The following STAU2 variants were observed in gnomAD, a reference collection of about 807,000 sequenced individuals.
The protein encoded by STAU2 is staufen double-stranded RNA binding protein 2.
A neutral mutation model predicts 65.9 loss-of-function variants in STAU2; 20 were observed. The ratio of observed to expected loss-of-function variants is 0.30; its 90% confidence interval spans 0.21 to 0.44. The LOEUF is 0.44. STAU2 is among the 20% of genes least tolerant of loss of function. The pLI is 1.00. For missense variants in STAU2, 558 were observed against 683.9 expected, an observed-to-expected ratio of 0.82 and a Z score of 2.05; for synonymous variants, 232 against 233.9, an observed-to-expected ratio of 0.99 and a Z score of 0.07.
At chr8:73,539,919 T>C (rs1806434686) in intron 13 of STAU2, among the ~76,000 whole-genome samples, 1 of 150,126 alleles carries the variant, frequency 6.7e-6, no homozygotes, top group South Asian at 2.1e-4. Flanking sequence ...AAGGAATCTG[T>C]GGGACAATAT....
intron 12 of STAU2, among the ~76,000 whole-genome samples, chr8:73,569,030 G>A (rs1419365684): frequency 2.0e-5 from 3 of 152,100 alleles, no homozygotes; most frequent in African/African-American, 2.4e-5. Context: ...CCTGGGAAGC[G>A]CAAGGGGTCG....
chr8:73,591,846 T>G (rs1185320861), intron 11 of STAU2, among the ~76,000 whole-genome samples: 1 of 90,674 alleles, frequency 1.1e-5, no homozygotes, highest in East Asian at 3.9e-4. Context: ...TTGAGTTGAA[T>G]GAAAGTAAAA....
rs199561696 is a variant in STAU2 at position 73,468,399 on chromosome 8, G to A, written c.1531-45697C>T. ...CCGTTCAGGACATAGGCATAGGCAA[G>A]GACTTCATGTCTAAAACACCAAAAG... On this transcript the variant is annotated intron_variant, in intron 13 of 14. Coordinates refer to ENST00000524300, the MANE Select transcript of STAU2 (RefSeq NM_001164380.2). 3.9e-5 allele frequency among the ~76,000 whole-genome samples: 6 copies of A among 152,234 alleles called. No individual in the cohort carries two copies. In the East Asian group the frequency reaches 1.2e-3, roughly 29 times the overall value.
At chr8:73,451,554 G>C (rs1818802206) in intron 13 of STAU2, among the ~76,000 whole-genome samples, 1 of 151,670 alleles carries the variant, frequency 6.6e-6, no homozygotes, top group African/African-American at 2.4e-5. Context: ...GCATGAAGCA[G>C]GCTGGGCTAC....
At chr8:73,594,000 TTTG>T (rs1156374915) in intron 11 of STAU2, among the ~76,000 whole-genome samples, 1 of 152,362 alleles carries the variant, frequency 6.6e-6, no homozygotes. Context: ...ATGCTGGTTT[TTTG>T]TTGTGTTTGC....
chr8:73,691,293 A>G (rs887262653), intron 4 of STAU2, among the ~76,000 whole-genome samples: 7 of 152,190 alleles, frequency 4.6e-5, no homozygotes, highest in Admixed American at 1.3e-4. Context: ...TTCAGGTTCA[A>G]ACCTCATTAG....
At chr8:73,423,247 C>T (rs778771497) in intron 13 of STAU2, among the ~76,000 whole-genome samples, 1 of 152,126 alleles carries the variant, frequency 6.6e-6, no homozygotes, top group African/African-American at 2.4e-5. Context: ...AAAGTTTGGG[C>T]TGGTCATGTT....
At chr8:73,466,215 AT>A (rs1162516835) in intron 13 of STAU2, among the ~76,000 whole-genome samples, 1 of 152,200 alleles carries the variant, frequency 6.6e-6, no homozygotes, top group Non-Finnish European at 1.5e-5. Flanking sequence ...CCATGGTTCA[AT>A]CTTAGAACTG....
In STAU2 at chr8:73,605,307, CTTTTTTTTTTTT is replaced by C. The variant is rs760108756; in HGVS notation, c.892-1456_892-1445del. Reference sequence around the variant, plus strand: ...CTCAAAATCCCAGTAGGCTTTTTTCCTTTTTTTTTTTTTTTTTTTTTGGCAGAGTCTCACTCT... The same window carrying C: ...CTCAAAATCCCAGTAGGCTTTTTTCCTTTTTTTTTGGCAGAGTCTCACTCT... On this transcript the variant is annotated intron_variant, in intron 9 of 14. Coordinates refer to ENST00000524300, the MANE Select transcript of STAU2 (RefSeq NM_001164380.2). Among the ~76,000 whole-genome samples the C allele has an allele frequency of 2.4e-5, 3 of 124,000 alleles. No individual in the cohort carries two copies. In the South Asian group the frequency reaches 7.7e-4, roughly 32 times the overall value. The allele number at this position is 124,000 out of a possible 152,430, so 81.3% of individuals were successfully genotyped here. A position where few individuals can be genotyped will look rare whatever the true frequency, so the allele number is the denominator to read the frequency against.
intron 13 of STAU2, among the ~76,000 whole-genome samples, chr8:73,468,247 A>G (rs1819770241): frequency 6.6e-6 from 1 of 152,256 alleles, no homozygotes; most frequent in Non-Finnish European, 1.5e-5. Flanking sequence ...AAAACTGGCT[A>G]GCCTTATGTA....
intron 13 of STAU2, chr8:73,438,802 G>A: frequency 2.6e-6 from 1 of 382,874 alleles, no homozygotes; most frequent in East Asian, 7.2e-5. Context: ...ACGGGGACAA[G>A]GCCACATAGG....
At position 73,613,705 on chromosome 8, in the gene STAU2, T is replaced by C; in HGVS notation, c.891+39A>G. On this transcript the variant is annotated intron_variant, in intron 9 of 14. Coordinates refer to ENST00000524300, the MANE Select transcript of STAU2 (RefSeq NM_001164380.2). ...TTATCTATAGCTACTATAATATTTA[T>C]TTAGTAAAACTGACTGATGTTCACA... is the stretch of plus-strand genomic sequence containing the variant. 4 of 1,486,074 alleles carry C rather than the reference T, an allele frequency of 2.7e-6. No homozygotes were observed. The South Asian group carries it at 3.6e-5, about 13-fold the overall frequency. 92.1% of individuals were successfully genotyped at this position (1,486,074 alleles called of 1,614,324 possible). A position where few individuals can be genotyped will look rare whatever the true frequency, so the allele number is the denominator to read the frequency against.
intron 3 of STAU2, among the ~76,000 whole-genome samples, chr8:73,734,236 T>TG (rs1228577135): frequency 1.3e-5 from 2 of 149,160 alleles, no homozygotes; most frequent in Non-Finnish European, 3.0e-5. Flanking sequence ...AGGGTTTGTT[T>TG]TTTTTTTTTT....
intron 11 of STAU2, among the ~76,000 whole-genome samples, chr8:73,584,679 A>G (rs1810237384): frequency 6.6e-6 from 1 of 152,212 alleles, no homozygotes; most frequent in African/African-American, 2.4e-5. Flanking sequence ...CAAAAAAGTT[A>G]CAGATTAAGT....
intron 13 of STAU2, among the ~76,000 whole-genome samples, chr8:73,435,318 G>A (rs1405638544): frequency 6.6e-6 from 1 of 151,830 alleles, no homozygotes; most frequent in Non-Finnish European, 1.5e-5. Context: ...GGCTGGTGGG[G>A]CCCCTTCCCT....
chr8:73,637,094 CCTAA>C (rs539518291), intron 6 of STAU2, among the ~76,000 whole-genome samples: 126 of 151,170 alleles, frequency 8.3e-4, no homozygotes, highest in African/African-American at 2.3e-3. Context: ...AATTATACTA[CCTAA>C]CTATTAGAAA....
intron 11 of STAU2, among the ~76,000 whole-genome samples, chr8:73,592,539 C>T (rs567682841): frequency 3.5e-4 from 53 of 152,170 alleles, no homozygotes; most frequent in African/African-American, 1.3e-3. Flanking sequence ...GCCCAAAAGC[C>T]TTCACTGGTA....
At chr8:73,551,028 G>A (rs1322786792) in intron 13 of STAU2, 2 of 986,408 alleles carry the variant, frequency 2.0e-6, no homozygotes, top group African/African-American at 3.5e-5. Context: ...TAAAGACTAA[G>A]ATGGAAAAGG....
chr8:73,455,045 A>C lies in STAU2; in HGVS notation c.1531-32343T>G, dbSNP rs574197599. Among the ~76,000 whole-genome samples the C allele has an allele frequency of 3.3e-5, 5 of 152,298 alleles. No individual in the cohort carries two copies. The East Asian group carries it at 9.7e-4, about 29-fold the overall frequency. ...GCTTCAACTGGAGATGGAAACATTT[A>C]GCCAGTTCATCCTACTCAGTGTTTG... On this transcript the variant is annotated intron_variant, in intron 13 of 14. Coordinates refer to ENST00000524300, the MANE Select transcript of STAU2 (RefSeq NM_001164380.2).
Sources: gnomAD v4.1 joint callset for allele counts (sites outside exome capture counted in the v4.1 genomes callset) on GRCh38, gnomAD v4.1.1 for gene constraint, MANE v1.5 for transcripts, NCBI Gene and HGNC (gene_info 2026-07-23, HGNC 2026-07-21) for gene names.